Variants in BCR observed in about 807,000 individuals in gnomAD.
The protein encoded by BCR is breakpoint cluster region protein.
Under a neutral mutation model 138.6 loss-of-function variants are expected in BCR, and 58 were observed. The ratio of observed to expected loss-of-function variants is 0.42; its 90% CI spans 0.34 to 0.52. The LOEUF is 0.52. Ranked by LOEUF, BCR falls within the 20% of genes least tolerant of loss-of-function variation. The pLI is 0.06. For missense variants in BCR, 1,599 were observed against 1,727.2 expected (o/e 0.93, Z 1.32); for synonymous variants, 786 against 730.1 (o/e 1.08, Z -1.23).
chr22:23,204,352 G>T (rs2072587902), intron 1 of BCR, among the ~76,000 whole-genome samples: 1 of 152,128 alleles, frequency 6.6e-6, no homozygotes, highest in Non-Finnish European at 1.5e-5. Flanking sequence ...GTCCGTAAAT[G>T]ATGAAGCTGA....
intron 1 of BCR, among the ~76,000 whole-genome samples, chr22:23,223,361 A>G (rs911783165): frequency 1.3e-5 from 2 of 152,104 alleles, no homozygotes; most frequent in African/African-American, 2.4e-5. Flanking sequence ...TGGCTGTGTG[A>G]GTGCATGTGC....
chr22:23,262,727 G>A (rs968856861), intron 4 of BCR: 27 of 712,220 alleles, frequency 3.8e-5, no homozygotes, highest in Admixed American at 3.3e-4. Context: ...GGGTGAGGGC[G>A]GGGGCGGAGA....
At chr22:23,278,166 C>T (rs1602095991) in intron 8 of BCR, among the ~76,000 whole-genome samples, 1 of 152,248 alleles carries the variant, frequency 6.6e-6, no homozygotes, top group Non-Finnish European at 1.5e-5. Flanking sequence ...TGCTGCTCAG[C>T]ACCCCCTCCG....
chr22:23,277,540 G>A lies in BCR; in HGVS notation c.2115+3766G>A, dbSNP rs376991388. Among the ~76,000 whole-genome samples, 58 of 152,318 alleles carry A rather than the reference G, an allele frequency of 3.8e-4. 2 individuals carry two copies. The South Asian group carries it at 4.8e-3, about 13-fold the overall frequency. On this transcript the variant is annotated intron_variant, in intron 8 of 22. Coordinates refer to ENST00000305877, the MANE Select transcript of BCR (RefSeq NM_004327.4). ...CTGCTGCTGCTGCTGCTGGGAGTGT[G>A]TCAAGGGGTTGGGGCTGTTTCTGTC... is the stretch of plus-strand genomic sequence containing the variant.
At chr22:23,201,199 G>A (rs2072549930) in intron 1 of BCR, among the ~76,000 whole-genome samples, 1 of 152,222 alleles carries the variant, frequency 6.6e-6, no homozygotes, top group South Asian at 2.1e-4. Context: ...CAGTTTCTGG[G>A]CACAGCAGAG....
At chr22:23,256,866 G>C (rs763220286) in intron 2 of BCR, among the ~76,000 whole-genome samples, 9 of 152,110 alleles carry the variant, frequency 5.9e-5, no homozygotes, top group Admixed American at 1.3e-4. Flanking sequence ...AGTTTGTTTT[G>C]TGGGTTCTTT....
At chr22:23,310,072 C>G in intron 17 of BCR, 1 of 490,710 alleles carries the variant, frequency 2.0e-6, no homozygotes, top group Non-Finnish European at 3.8e-6. Context: ...TAAAAAAAAG[C>G]AAGCAAGCAA....
At chr22:23,214,202 G>GT (rs1196935771) in intron 1 of BCR, among the ~76,000 whole-genome samples, 10 of 146,732 alleles carry the variant, frequency 6.8e-5, no homozygotes, top group African/African-American at 2.6e-4. Context: ...TGGATGTTTG[G>GT]TTTGTTTTTT....
At chr22:23,249,297 T>C (rs539361916) in intron 1 of BCR, among the ~76,000 whole-genome samples, 1 of 152,090 alleles carries the variant, frequency 6.6e-6, no homozygotes, top group Non-Finnish European at 1.5e-5. Flanking sequence ...CCAGGCGTGG[T>C]GGCGCACGCC....
At chr22:23,292,780 GC>G in intron 15 of BCR, 142 bp downstream of exon 15, 1 of 634,824 alleles carries the variant, frequency 1.6e-6, no homozygotes, top group Non-Finnish European at 2.6e-6. Flanking sequence ...CTCCTGGGGG[GC>G]CAGTAGGTGA....
chr22:23,284,137 A>C (rs1204435440), intron 9 of BCR, 39 bp downstream of exon 9: 1 of 1,608,148 alleles, frequency 6.2e-7, no homozygotes, highest in South Asian at 1.1e-5. Flanking sequence ...CAGTGACCCC[A>C]CCCTGACTCT....
intron 1 of BCR, among the ~76,000 whole-genome samples, chr22:23,185,489 C>A (rs956532859): frequency 5.3e-5 from 8 of 151,926 alleles, no homozygotes; most frequent in African/African-American, 1.7e-4. Context: ...CACGGTGAAA[C>A]CCCGTCTCTA....
chr22:23,249,273 CA>C (rs375695802), intron 1 of BCR, among the ~76,000 whole-genome samples: 11 of 150,644 alleles, frequency 7.3e-5, no homozygotes, highest in African/African-American at 2.7e-4. Flanking sequence ...ACTAAAAATA[CA>C]AAAAAAAATT....
intron 1 of BCR, 151 bp from the exon 2 acceptor site, chr22:23,253,648 T>G: frequency 1.3e-6 from 1 of 797,344 alleles, no homozygotes; most frequent in Middle Eastern, 2.5e-4. Context: ...CTTTGACCAG[T>G]CAGTTGTGAA....
chr22:23,181,962 C>T lies in BCR; in HGVS notation c.1002C>T (p.Ser334=), dbSNP rs755590125. ...CGGGYTPDCS[S]NENLTSSEED... ...GCGGCTATACCCCGGACTGCAGCTCCAATGAGAACCTCACCTCCAGCGAGG... is the reference window on the plus strand; with the variant it reads ...GCGGCTATACCCCGGACTGCAGCTCTAATGAGAACCTCACCTCCAGCGAGG... Residue 334 remains serine, a synonymous_variant, in exon 1 of 23, where the codon TCC becomes TCT. Coordinates refer to ENST00000305877, the MANE Select transcript of BCR (RefSeq NM_004327.4). The T allele has an allele frequency of 4.3e-6, 7 of 1,613,104 alleles. No individual in the cohort carries two copies. The South Asian group carries it at 5.5e-5, about 13-fold the overall frequency.
chr22:23,235,430 C>G (rs141975427), intron 1 of BCR, among the ~76,000 whole-genome samples: 1 of 144,838 alleles, frequency 6.9e-6, no homozygotes, highest in African/African-American at 2.4e-5. Flanking sequence ...GCCCTGCCCT[C>G]TGGGGCACAA....
intron 14 of BCR, chr22:23,290,805 G>A (rs548942265): frequency 5.4e-5 from 13 of 241,424 alleles, no homozygotes; most frequent in Non-Finnish European, 9.1e-5. Flanking sequence ...CTGCTCTGTC[G>A]AGCTGGATGG....
At chr22:23,191,976 G>A (rs1480431434) in intron 1 of BCR, among the ~76,000 whole-genome samples, 1 of 152,170 alleles carries the variant, frequency 6.6e-6, no homozygotes, top group Admixed American at 6.5e-5. Context: ...CTGCTAATTA[G>A]CTGTCTTGGG....
At chr22:23,312,234 C>A (rs907345905) in intron 19 of BCR, among the ~76,000 whole-genome samples, 8 of 152,220 alleles carry the variant, frequency 5.3e-5, no homozygotes, top group African/African-American at 1.9e-4. Flanking sequence ...ATCTCACCAA[C>A]CCTCACAGGC....
Sources: allele counts gnomAD v4.1 joint callset (sites outside exome capture counted in the v4.1 genomes callset), GRCh38; gene constraint gnomAD v4.1.1; transcripts MANE v1.5; gene names NCBI Gene and HGNC (gene_info 2026-07-23, HGNC 2026-07-21).